The following CTNNA2 variants were observed in gnomAD, a reference collection of about 807,000 sequenced individuals.
The protein encoded by CTNNA2 is catenin alpha-2.
A neutral mutation model predicts 101.0 loss-of-function variants in CTNNA2; 42 were observed. The observed-to-expected ratio is 0.42, with a 90% CI of 0.32 to 0.54. The LOEUF is 0.54. Ranked by LOEUF, CTNNA2 falls within the 20% of genes least tolerant of loss-of-function variation. The probability of loss-of-function intolerance (pLI) is 0.14; values close to 1 mark genes in which losing one functional copy is unlikely to be tolerated. For missense variants in CTNNA2, 871 were observed against 1,223.1 expected, an observed-to-expected ratio of 0.71 and a Z score of 4.29; for synonymous variants, 450 against 456.4, an observed-to-expected ratio of 0.99 and a Z score of 0.18.
chr2:80,225,823 G>A (rs1364996837), intron 7 of CTNNA2, among the ~76,000 whole-genome samples: 2 of 152,134 alleles, frequency 1.3e-5, no homozygotes, highest in African/African-American at 4.8e-5. Flanking sequence ...TCTAGTGCAA[G>A]CTAATACAGA....
chr2:80,226,838 C>T (rs550981651), intron 7 of CTNNA2, among the ~76,000 whole-genome samples: 2 of 152,238 alleles, frequency 1.3e-5, no homozygotes, highest in Admixed American at 6.5e-5. Flanking sequence ...TCTCCTTGGG[C>T]CCCTTCCCCT....
At chr2:79,323,384 A>G (rs2060786) in intron 3 of CTNNA2, among the ~76,000 whole-genome samples, 15,985 of 152,200 alleles carry the variant, frequency 0.11, 1,008 homozygotes, top group Middle Eastern at 0.2. Flanking sequence ...CCAAGTTCAA[A>G]GAGTCTACGT....
At chr2:80,036,498 G>A (rs1454219377) in intron 7 of CTNNA2, among the ~76,000 whole-genome samples, 2 of 152,238 alleles carry the variant, frequency 1.3e-5, no homozygotes, top group East Asian at 3.9e-4. Context: ...CCAGCTACTT[G>A]GGAAGCTGAG....
At chr2:80,419,835 A>G (rs1239670288) in intron 9 of CTNNA2, among the ~76,000 whole-genome samples, 1 of 151,844 alleles carries the variant, frequency 6.6e-6, no homozygotes, top group African/African-American at 2.4e-5. Flanking sequence ...CATATCTGCC[A>G]TTTTTCCTGA....
At chr2:79,894,025 T>C (rs1684499357) in intron 6 of CTNNA2, among the ~76,000 whole-genome samples, 1 of 143,986 alleles carries the variant, frequency 6.9e-6, no homozygotes, top group Non-Finnish European at 1.5e-5. Context: ...TTCTTCTTCT[T>C]CTTCTTCTTC....
intron 1 of CTNNA2, among the ~76,000 whole-genome samples, chr2:79,630,697 T>C (rs1430655455): frequency 6.6e-6 from 1 of 152,262 alleles, no homozygotes; most frequent in Non-Finnish European, 1.5e-5. Context: ...CAAGTCTTGC[T>C]GTAACGTGGT....
intron 7 of CTNNA2, among the ~76,000 whole-genome samples, chr2:80,065,976 C>A (rs903778485): frequency 6.6e-6 from 1 of 152,120 alleles, no homozygotes; most frequent in African/African-American, 2.4e-5. Context: ...ATGACTTTAC[C>A]CAAACTTGTT....
At chr2:80,567,814 G>A (rs1327705995) in intron 12 of CTNNA2, among the ~76,000 whole-genome samples, 1 of 152,066 alleles carries the variant, frequency 6.6e-6, no homozygotes, top group Non-Finnish European at 1.5e-5. Flanking sequence ...TTCCTGCACA[G>A]GAATTAGCTG....
chr2:79,450,387 A>G (rs1049093744), intron 4 of CTNNA2, among the ~76,000 whole-genome samples: 2 of 151,962 alleles, frequency 1.3e-5, no homozygotes, highest in African/African-American at 4.8e-5. Flanking sequence ...TACATATGGG[A>G]TTCTTTGTCT....
chr2:80,387,313 C>T (rs1160077609), intron 7 of CTNNA2, among the ~76,000 whole-genome samples: 2 of 151,894 alleles, frequency 1.3e-5, no homozygotes, highest in Admixed American at 6.6e-5. Flanking sequence ...TACTCATTTT[C>T]AGAGATTTAT....
intron 7 of CTNNA2, among the ~76,000 whole-genome samples, chr2:80,336,525 A>C (rs896391226): frequency 6.6e-6 from 1 of 152,216 alleles, no homozygotes; most frequent in African/African-American, 2.4e-5. Context: ...GCAGATTATT[A>C]TCCAAAGTTT....
At chr2:79,754,752 C>T (rs1672284656) in intron 3 of CTNNA2, among the ~76,000 whole-genome samples, 1 of 152,118 alleles carries the variant, frequency 6.6e-6, no homozygotes, top group South Asian at 2.1e-4. Flanking sequence ...TCACTGCTGC[C>T]TGACTGCCTC....
chr2:79,327,649 A>G (rs998244770), intron 3 of CTNNA2, among the ~76,000 whole-genome samples: 1 of 152,172 alleles, frequency 6.6e-6, no homozygotes, highest in Non-Finnish European at 1.5e-5. Context: ...AGATAATGCT[A>G]AAAGGGACAC....
chr2:80,447,948 A>G (rs1683203101), intron 9 of CTNNA2, among the ~76,000 whole-genome samples: 1 of 152,208 alleles, frequency 6.6e-6, no homozygotes, highest in Non-Finnish European at 1.5e-5. Context: ...TTTTTGAAAG[A>G]AGAACTAGAC....
intron 4 of CTNNA2, among the ~76,000 whole-genome samples, chr2:79,423,295 A>G (rs1287008274): frequency 1.3e-5 from 2 of 152,188 alleles, no homozygotes; most frequent in African/African-American, 2.4e-5. Flanking sequence ...GCAGACATGT[A>G]AGTAAAGCTG....
At chr2:79,686,986 C>T (rs909911099) in intron 2 of CTNNA2, among the ~76,000 whole-genome samples, 11 of 152,220 alleles carry the variant, frequency 7.2e-5, no homozygotes, top group South Asian at 4.1e-4. Context: ...TGTCTTATGT[C>T]GCTCTTTAGT....
chr2:79,456,967 C>T (rs1486656333), intron 4 of CTNNA2, among the ~76,000 whole-genome samples: 4 of 151,874 alleles, frequency 2.6e-5, no homozygotes, highest in Admixed American at 6.6e-5. Context: ...TTTGGAAGGC[C>T]GAGGCGGGCA....
intron 7 of CTNNA2, among the ~76,000 whole-genome samples, chr2:79,963,170 T>C (rs1040549158): frequency 6.6e-6 from 1 of 151,594 alleles, no homozygotes; most frequent in Non-Finnish European, 1.5e-5. Context: ...TCTGATAGGG[T>C]CCAATTTACT....
chr2:79,667,802 T>C (rs978765245), intron 2 of CTNNA2, among the ~76,000 whole-genome samples: 3 of 152,242 alleles, frequency 2.0e-5, no homozygotes, highest in African/African-American at 4.8e-5. Context: ...AGAAGACATT[T>C]ATTAATGTAT....
Sources: allele counts gnomAD v4.1 joint callset (sites outside exome capture counted in the v4.1 genomes callset), GRCh38; gene constraint gnomAD v4.1.1; transcripts MANE v1.5; gene names NCBI Gene and HGNC (gene_info 2026-07-23, HGNC 2026-07-21).